Variants in GRB7 observed in about 807,000 individuals in gnomAD.
GRB7 encodes growth factor receptor bound protein 7.
In GRB7, 47 loss-of-function variants were observed where a neutral mutation model predicts 64.1. The ratio of observed to expected loss-of-function variants is 0.73; its 90% CI spans 0.58 to 0.94. GRB7 has a LOEUF of 0.94. Ranked by LOEUF, GRB7 falls within the 40% of genes least tolerant of loss-of-function variation. GRB7 has a pLI of 0.00. For synonymous variants in GRB7, 277 were observed against 279.9 expected, an observed-to-expected ratio of 0.99 and a Z score of 0.10; for missense variants, 634 against 718.4, an observed-to-expected ratio of 0.88 and a Z score of 1.34.
At chr17:39,738,818 C>A in intron 1 of GRB7, 1 of 1,265,382 alleles carries the variant, frequency 7.9e-7, no homozygotes, top group Non-Finnish European at 1.1e-6. Context: ...CTTTGGAGGG[C>A]AGTGAAGGAG....
Position 39,744,075 on chromosome 17 carries a change from C to T in GRB7, c.669C>T (p.Phe223=), listed in dbSNP as rs760291966. 2.0e-5 allele frequency: 32 copies of T among 1,614,044 alleles called. No individual in the cohort carries two copies. The highest frequency in any genetic ancestry group is 2.0e-5 in the Non-Finnish European group (24 of 1,180,022). ...GISHEDLIQN[F]LNAGSFPEIQ... ...TCTGCTCTCCTCTGGCTCAGAACTT[C>T]CTGAATGCTGGCAGCTTTCCTGAGA... The change falls in exon 7 of 15, where the codon TTC becomes TTT. Residue 223 remains phenylalanine, a synonymous_variant. Coordinates refer to ENST00000309156, the MANE Select transcript of GRB7 (RefSeq NM_005310.5).
At chr17:39,745,362 G>A (rs1199535706) in intron 10 of GRB7, 39 bp downstream of exon 10, 2 of 1,607,316 alleles carry the variant, frequency 1.2e-6, no homozygotes, top group Non-Finnish European at 1.7e-6. Context: ...GGGTATGCAG[G>A]CCCTGTCTTA....
intron 11 of GRB7, 24 bp downstream of exon 11, chr17:39,745,562 T>C (rs1286937046): frequency 6.3e-7 from 1 of 1,597,280 alleles, no homozygotes; most frequent in African/African-American, 1.3e-5. Flanking sequence ...TGTGTGTGTG[T>C]GTTTGTGCTG....
rs766522090 is a variant in GRB7 at position 39,742,745 on chromosome 17, G to A, written c.306+29G>A. The A allele has an allele frequency of 1.8e-5, 28 of 1,535,752 alleles. 1 individual carries two copies. Among genetic ancestry groups the A allele is most frequent in the Non-Finnish European group, 2.5e-5 (28 of 1,142,142 alleles). ...AGTTGTCCCTCAGAAGGGAAGGGAG[G>A]GATGCACGGGTTCTGGGTCTGTGGG... On this transcript the variant is annotated intron_variant, in intron 3 of 14. Coordinates refer to ENST00000309156, the MANE Select transcript of GRB7 (RefSeq NM_005310.5).
At position 39,742,276 on chromosome 17, in the gene GRB7, T is replaced by C. The variant is rs779223439; in HGVS notation, c.-26T>C. On this transcript the variant is annotated 5_prime_UTR_variant, in exon 2 of 15. Coordinates refer to ENST00000309156, the MANE Select transcript of GRB7 (RefSeq NM_005310.5). Reference sequence around the variant, plus strand: ...GGACAAGGGCACACAACTGGTTCCGTTAAGCCCCTCTCTTGCTCAGACGCC... The same window carrying C: ...GGACAAGGGCACACAACTGGTTCCGCTAAGCCCCTCTCTTGCTCAGACGCC... The C allele has an allele frequency of 6.2e-7, 1 of 1,613,798 alleles. No individual in the cohort carries two copies. The highest frequency in any genetic ancestry group is 8.5e-7 in the Non-Finnish European group (1 of 1,179,790).
intron 5 of GRB7, 22 bp from the exon 6 acceptor site, chr17:39,743,371 C>T: frequency 1.2e-6 from 2 of 1,614,172 alleles, no homozygotes; most frequent in Non-Finnish European, 1.7e-6. Context: ...AGCCCTGATC[C>T]CTGACACTTG....
intron 1 of GRB7, 53 bp from the exon 2 acceptor site, chr17:39,742,199 C>A: frequency 7.4e-7 from 1 of 1,351,606 alleles, no homozygotes; most frequent in South Asian, 1.2e-5. Context: ...GAGGGGCACC[C>A]TAACCGCCGT....
intron 9 of GRB7, 53 bp downstream of exon 9, chr17:39,745,037 C>A: frequency 7.0e-7 from 1 of 1,437,062 alleles, no homozygotes; most frequent in Non-Finnish European, 9.7e-7. Context: ...GGATCCCCAG[C>A]TCTGCCCTCA....
In GRB7 at chr17:39,743,417, G is replaced by A. The variant is rs1235093441; in HGVS notation, c.610G>A (p.Val204Ile). The A allele has an allele frequency of 6.2e-7, 1 of 1,614,178 alleles. No individual in the cohort carries two copies. Among genetic ancestry groups the A allele is most frequent in the Admixed American group, 1.7e-5 (1 of 60,030 alleles). The change falls in exon 6 of 15, where the codon GTC becomes ATC. Residue 204 changes from valine to isoleucine, a missense_variant. Around this residue, in one of 2 missense-constraint regions of GRB7, gnomAD observed 467 missense variants for 576.6 expected, o/e 0.81. Transcript: ENST00000309156. ...SPHSLFPEKM[V>I]SSCLDAHTGI... ...GCACTCCCTGTTCCCAGAAAAAATG[G>A]TCTCCAGCTGTCTCGATGCACACAC... is the stretch of plus-strand genomic sequence containing the variant.
At position 39,743,068 on chromosome 17, in the gene GRB7, A is replaced by C; in HGVS notation, c.463+14A>C. ...ACCTAGCACTGGGTAAGTCAGGTGC[A>C]TGGAACTATCCGGGCTGGGAGATGA... On this transcript the variant is annotated intron_variant, in intron 4 of 14. Transcript: ENST00000309156. 6.3e-7 allele frequency: 1 copy of C among 1,599,766 alleles called. No individual in the cohort carries two copies. The highest frequency in any genetic ancestry group is 8.5e-7 in the Non-Finnish European group (1 of 1,170,978).
At chr17:39,746,063 A>G (rs2060043303) in intron 13 of GRB7, 46 bp from the exon 14 acceptor site, 5 of 1,611,626 alleles carry the variant, frequency 3.1e-6, no homozygotes, top group Non-Finnish European at 3.4e-6. Flanking sequence ...GGTGGCAGCC[A>G]TGGTCCTTGG....
At position 39,742,332 on chromosome 17, in the gene GRB7, A is replaced by G; in HGVS notation, c.31A>G (p.Ser11Gly). The G allele has an allele frequency of 1.9e-6, 3 of 1,614,012 alleles. No homozygotes were observed. The highest frequency in any genetic ancestry group is 2.5e-6 in the Non-Finnish European group (3 of 1,179,954). Residue 11 changes from serine (S) to glycine (G), a missense_variant, in exon 2 of 15, where the codon AGC becomes GGC. By Grantham distance (56) the Ser-to-Gly change is moderately conservative. Transcript: ENST00000309156. The stretch of plus-strand genomic sequence containing the variant: ...GCTGGATCTGTCTCCACCTCATCTT[A>G]GCAGCTCTCCGGAAGACCTTTGCCC... MELDLSPPHLSSSPEDLCPAP... is the reference protein window; with the variant it reads MELDLSPPHLGSSPEDLCPAP...
intron 14 of GRB7, 37 bp from the exon 15 acceptor site, chr17:39,746,714 C>T (rs1251764564): frequency 3.7e-6 from 6 of 1,602,800 alleles, no homozygotes; most frequent in Non-Finnish European, 5.1e-6. Context: ...AGCCTCGGGC[C>T]CCTCCCTGAA....
Position 39,743,281 on chromosome 17 carries a change from G to T in GRB7, c.565G>T (p.Glu189Ter). The change falls in exon 5 of 15, where the codon GAA (glutamate) becomes TAA (stop). Residue 189 changes from glutamate (E) to a stop codon, truncating the protein, a stop_gained. Transcript: ENST00000309156. LOFTEE classifies it high-confidence loss of function. ...CTTCCGGAAAAACTTCGCCAAGTAC[G>T]AACTGTTCAAGAGCTCCCCAGTGAG... ...FVFRKNFAKYELFKSSPHSLF... is the reference protein window; with the variant it reads ...FVFRKNFAKY 6.2e-7 allele frequency: 1 copy of T among 1,614,206 alleles called. No homozygotes were observed. Among genetic ancestry groups the T allele is most frequent in the Non-Finnish European group, 8.5e-7 (1 of 1,180,036 alleles).
chr17:39,742,449 A>G lies in GRB7; in HGVS notation c.148A>G (p.Thr50Ala), dbSNP rs2143403981. 1 of 1,613,452 alleles carries G rather than the reference A, an allele frequency of 6.2e-7. No homozygotes were observed. Among genetic ancestry groups the G allele is most frequent in the South Asian group, 1.1e-5 (1 of 91,066 alleles). Residue 50 changes from threonine (T) to alanine (A), a missense_variant, in exon 2 of 15, where the codon ACC (threonine) becomes GCC (alanine). Around this residue, in one of 2 missense-constraint regions of GRB7, gnomAD observed 167 missense variants for 141.9 expected, o/e 1.18. Coordinates refer to ENST00000309156, the MANE Select transcript of GRB7 (RefSeq NM_005310.5). ...KRSQPLLIPT[T>A]GRKLREEERR... The stretch of plus-strand genomic sequence containing the variant: ...GTCCCAGCCTCTCCTCATCCCAACC[A>G]CCGGCAGGTACGATGGGGCGTGGGG...
In GRB7 at chr17:39,745,962, G is replaced by T; in HGVS notation, c.1320G>T (p.Glu440Asp). The T allele has an allele frequency of 3.1e-6, 5 of 1,614,094 alleles. No individual in the cohort carries two copies. The highest frequency in any genetic ancestry group is 4.2e-6 in the Non-Finnish European group (5 of 1,179,956). ...LWFHGRISRE[E>D]SQRLIGQQGL... Reference sequence around the variant, plus strand: ...TCCACGGGCGCATTTCCCGTGAGGAGAGCCAGCGGCTTATTGGACAGCAGG... The same window carrying T: ...TCCACGGGCGCATTTCCCGTGAGGATAGCCAGCGGCTTATTGGACAGCAGG... The change falls in exon 13 of 15, where the codon GAG (glutamate) becomes GAT (aspartate). Residue 440 changes from glutamate (E) to aspartate (D), a missense_variant. Glu to Asp is a conservative substitution (Grantham distance 45, BLOSUM62 2). Around this residue, in one of 2 missense-constraint regions of GRB7, gnomAD observed 467 missense variants for 576.6 expected, o/e 0.81. Transcript: ENST00000309156.
Position 39,742,559 on chromosome 17 carries a change from G to C in GRB7, c.156-7G>C. 6.2e-7 allele frequency: 1 copy of C among 1,613,692 alleles called. No individual in the cohort carries two copies. The highest frequency in any genetic ancestry group is 1.3e-5 in the African/African-American group (1 of 74,948). ...CACACCTCTCTCCCTTTTTCTTCTT[G>C]CCACAGGAAACTTCGAGAGGAGGAG... On this transcript the variant is annotated splice_polypyrimidine_tract_variant and splice_region_variant and intron_variant, in intron 2 of 14. Transcript: ENST00000309156.
intron 6 of GRB7, chr17:39,743,705 T>C: frequency 1.7e-6 from 1 of 582,796 alleles, no homozygotes; most frequent in South Asian, 2.0e-5. Context: ...CTGGGCACGG[T>C]GGCTCATGCC....
At position 39,745,475 on chromosome 17, in the gene GRB7, G is replaced by T. The variant is rs758679638; in HGVS notation, c.1146G>T (p.Gly382=). The change falls in exon 11 of 15, where the codon GGG becomes GGT. Residue 382 remains glycine (G), a synonymous_variant. Coordinates refer to ENST00000309156, the MANE Select transcript of GRB7 (RefSeq NM_005310.5). ...LVAMDFSGHA[G]RVIENPREAL... ...CCATGGACTTCTCTGGCCATGCTGGGCGTGTCATTGAGAACCCCCGGGAGG... is the reference window on the plus strand; with the variant it reads ...CCATGGACTTCTCTGGCCATGCTGGTCGTGTCATTGAGAACCCCCGGGAGG... 10 of 1,613,978 alleles carry T rather than the reference G, an allele frequency of 6.2e-6. No homozygotes were observed. The highest frequency in any genetic ancestry group is 1.6e-4 in the Middle Eastern group (1 of 6,076).
Sources: gnomAD v4.1 joint callset for allele counts on GRCh38, gnomAD v4.1.1 for gene constraint, gnomAD v4.1.1 regional missense constraint, MANE v1.5 for transcripts, NCBI Gene and HGNC (gene_info 2026-07-23, HGNC 2026-07-21) for gene names.